NADSYN1: variants seen among roughly 807,000 people sequenced by gnomAD.
NADSYN1 encodes NAD synthetase 1.
NADSYN1 carries 80 observed loss-of-function variants against 99.3 expected under a neutral mutation model. The observed-to-expected ratio is 0.81, with a 90% CI of 0.67 to 0.97. The LOEUF is 0.97. Ranked by LOEUF, NADSYN1 falls within the 50% of genes least tolerant of loss-of-function variation. The probability of loss-of-function intolerance (pLI) is 0.00; values close to 1 mark genes in which losing one functional copy is unlikely to be tolerated. For synonymous variants in NADSYN1, 385 were observed against 372.1 expected, an observed-to-expected ratio of 1.03 and a Z score of -0.40; for missense variants, 859 against 948.5, an observed-to-expected ratio of 0.91 and a Z score of 1.24.
intron 5 of NADSYN1, among the ~76,000 whole-genome samples, chr11:71,466,479 C>T (rs1565597959): frequency 6.6e-6 from 1 of 152,178 alleles, no homozygotes; most frequent in Non-Finnish European, 1.5e-5. Context: ...TCTGCCTCAC[C>T]CCGCCCTCTA....
In NADSYN1 at chr11:71,490,886, A is replaced by G. The variant is rs1949774102; in HGVS notation, c.1604A>G (p.Asp535Gly). 1.5e-5 allele frequency: 24 copies of G among 1,614,038 alleles called. No homozygotes were observed. Among genetic ancestry groups the G allele is most frequent in the Non-Finnish European group, 2.0e-5 (24 of 1,180,030 alleles). ...YLTKYDCSSA[D>G]INPIGGISKT... ...ACCAAGTACGACTGCTCCAGTGCGG[A>G]CATCAACCCCATAGGCGGGATCAGC... The change falls in exon 17 of 21, where the codon GAC (aspartate) becomes GGC (glycine). Residue 535 changes from aspartate (D) to glycine (G), a missense_variant. Transcript: ENST00000319023.
intron 15 of NADSYN1, chr11:71,484,753 G>A (rs905901845): frequency 2.8e-6 from 1 of 356,516 alleles, no homozygotes; most frequent in Admixed American, 3.9e-5. Context: ...CTGAGTGCAA[G>A]AGCAAGAGGG....
intron 18 of NADSYN1, among the ~76,000 whole-genome samples, chr11:71,494,929 T>G (rs971614419): frequency 6.6e-6 from 1 of 152,242 alleles, no homozygotes; most frequent in Non-Finnish European, 1.5e-5. Flanking sequence ...TCACTCTTTT[T>G]TCTTGGTCAT....
rs1249520081 is a variant in NADSYN1 at position 71,481,350 on chromosome 11, C to T, written c.999-6C>T. The T allele has an allele frequency of 6.2e-7, 1 of 1,613,988 alleles. No individual in the cohort carries two copies. The highest frequency in any genetic ancestry group is 1.1e-5 in the South Asian group (1 of 91,076). ...CTCCGGGCTCCATGTTCTGATTGCC[C>T]TGCAGCCTTGGACCTGCCTGCTGGC... On this transcript the variant is annotated splice_region_variant and splice_polypyrimidine_tract_variant and intron_variant, in intron 11 of 20. Coordinates refer to ENST00000319023, the MANE Select transcript of NADSYN1 (RefSeq NM_018161.5).
At chr11:71,486,787 CGTGA>C (rs1463410389) in intron 16 of NADSYN1, among the ~76,000 whole-genome samples, 2 of 135,066 alleles carry the variant, frequency 1.5e-5, no homozygotes, top group Non-Finnish European at 3.2e-5. Flanking sequence ...TTTTCTATGG[CGTGA>C]GTGTCTTTTT....
At chr11:71,458,166 A>G (rs1022334594) in intron 2 of NADSYN1, among the ~76,000 whole-genome samples, 8 of 152,226 alleles carry the variant, frequency 5.3e-5, no homozygotes, top group African/African-American at 1.9e-4. Context: ...AAGGGCGGGC[A>G]CTTCCTGATA....
At position 71,490,877 on chromosome 11, in the gene NADSYN1, C is replaced by G; in HGVS notation, c.1595C>G (p.Ser532Cys). 6.2e-7 allele frequency: 1 copy of G among 1,614,206 alleles called. No individual in the cohort carries two copies. Among genetic ancestry groups the G allele is most frequent in the South Asian group, 1.1e-5 (1 of 91,082 alleles). The change falls in exon 17 of 21, where the codon TCC becomes TGC. Residue 532 changes from serine to cysteine, a missense_variant. Physicochemically the swap from Ser to Cys is moderately radical, Grantham distance 112 (BLOSUM62 -1). Transcript: ENST00000319023. ...LLGYLTKYDC[S>C]SADINPIGGI... ...GGCTACCTGACCAAGTACGACTGCT[C>G]CAGTGCGGACATCAACCCCATAGGC...
chr11:71,476,206 C>T (rs1475778609), intron 9 of NADSYN1: 4 of 423,158 alleles, frequency 9.5e-6, no homozygotes, highest in Admixed American at 7.9e-5. Flanking sequence ...CACAGCATTG[C>T]CTGACTCGTC....
At chr11:71,461,078 TC>T (rs1949547364) in intron 3 of NADSYN1, 1 of 152,226 alleles carries the variant, frequency 6.6e-6, no homozygotes, top group Admixed American at 6.5e-5. Flanking sequence ...TTAATTTGAG[TC>T]CTTTATATGC....
chr11:71,483,197 C>T (rs758531053), intron 14 of NADSYN1, among the ~76,000 whole-genome samples, 180 bp downstream of exon 14: 79 of 152,198 alleles, frequency 5.2e-4, no homozygotes, highest in African/African-American at 1.5e-3. Context: ...TTCCACTGTA[C>T]GGATAGACCA....
At chr11:71,496,990 C>T (rs1245059421) in intron 18 of NADSYN1, 1 of 164,524 alleles carries the variant, frequency 6.1e-6, no homozygotes, top group Non-Finnish European at 1.3e-5. Context: ...ATCCTCCCAC[C>T]TGAGCACCCA....
chr11:71,480,674 T>C, intron 10 of NADSYN1, 81 bp from the exon 11 acceptor site: 2 of 1,597,288 alleles, frequency 1.3e-6, no homozygotes, highest in Non-Finnish European at 1.7e-6. Context: ...GCTGATGGAG[T>C]CCTGCTTGTC....
At chr11:71,454,972 G>T in intron 1 of NADSYN1, 138 bp from the exon 2 acceptor site, 1 of 657,146 alleles carries the variant, frequency 1.5e-6, no homozygotes, top group Non-Finnish European at 2.6e-6. Flanking sequence ...ACTGCATCCC[G>T]TCTGGGAAGG....
chr11:71,455,805 T>C (rs1949509858), intron 2 of NADSYN1, among the ~76,000 whole-genome samples: 1 of 152,136 alleles, frequency 6.6e-6, no homozygotes, highest in Non-Finnish European at 1.5e-5. Context: ...GACCAAGACA[T>C]ATTCCCAGGT....
At chr11:71,453,433 G>A in intron 1 of NADSYN1, 52 bp downstream of exon 1, 1 of 1,510,628 alleles carries the variant, frequency 6.6e-7, no homozygotes, top group South Asian at 1.2e-5. Context: ...CGGGCACCGT[G>A]GCTGGGCCCA....
At chr11:71,481,845 A>G (rs538227910) in intron 12 of NADSYN1, 78 bp from the exon 13 acceptor site, 41 of 1,323,598 alleles carry the variant, frequency 3.1e-5, no homozygotes, top group South Asian at 1.3e-4. Flanking sequence ...CTTGAGGTCT[A>G]TGGGTGGAGC....
intron 1 of NADSYN1, among the ~76,000 whole-genome samples, chr11:71,453,919 T>A (rs4488226): frequency 0.54 from 81,362 of 151,964 alleles, 25,572 homozygotes; most frequent in Non-Finnish European, 0.74. Context: ...AGCCTGGCCA[T>A]CATGGTGAAA....
intron 1 of NADSYN1, 75 bp downstream of exon 1, chr11:71,453,456 G>T: frequency 7.3e-7 from 1 of 1,369,644 alleles, no homozygotes; most frequent in South Asian, 1.2e-5. Context: ...CTTGCCCGTG[G>T]CGTGCTCACA....
rs770915902 is a variant in NADSYN1, at chr11:71,474,482, G to A, written c.754G>A (p.Gly252Arg). The change falls in exon 9 of 21, where the codon GGA becomes AGA. Residue 252 changes from glycine (G) to arginine (R), a missense_variant. By Grantham distance (125) the Gly-to-Arg change is moderately radical. Transcript: ENST00000319023. ...YDGCAMIAMN[G>R]SVFAQGSQFS... is the part of the protein sequence containing the mutation. ...CGGCTGTGCCATGATTGCCATGAAC[G>A]GAAGCGTCTTTGCTCAAGGATCCCA... 17 of 1,614,198 alleles carry A rather than the reference G, an allele frequency of 1.1e-5. No individual in the cohort carries two copies. Among genetic ancestry groups the A allele is most frequent in the East Asian group, 2.2e-5 (1 of 44,886 alleles).
Sources: allele counts gnomAD v4.1 joint callset (sites outside exome capture counted in the v4.1 genomes callset), GRCh38; gene constraint gnomAD v4.1.1; transcripts MANE v1.5; gene names NCBI Gene and HGNC (gene_info 2026-07-23, HGNC 2026-07-21).